The following SPMAP2 variants were observed in gnomAD, a reference collection of about 807,000 sequenced individuals.
SPMAP2 encodes Theg homolog.
chr19:363,229 G>A, the SPMAP2 span, among the ~76,000 whole-genome samples: 1 of 152,206 alleles, frequency 6.6e-6, no homozygotes, highest in African/African-American at 2.4e-5. Flanking sequence ...GCCTTGCTCT[G>A]TCGCCCAGGC....
the SPMAP2 span, chr19:372,725 A>G: frequency 6.2e-7 from 1 of 1,611,752 alleles, no homozygotes; most frequent in East Asian, 2.2e-5. Flanking sequence ...AAACGGAGTC[A>G]GTGAACCCCA....
At chr19:363,740 G>A in the SPMAP2 span, among the ~76,000 whole-genome samples, 1 of 151,180 alleles carries the variant, frequency 6.6e-6, no homozygotes, top group Non-Finnish European at 1.5e-5. Flanking sequence ...TCACCATGTT[G>A]GCCAGGCTGG....
chr19:367,979 A>G, the SPMAP2 span, among the ~76,000 whole-genome samples: 88,799 of 151,946 alleles, frequency 0.58, 26,405 homozygotes, highest in African/African-American at 0.63. Context: ...AGGGGACAGG[A>G]TATGAAAACG....
At chr19:373,587 G>T in the SPMAP2 span, 1 of 1,568,770 alleles carries the variant, frequency 6.4e-7, no homozygotes, top group Non-Finnish European at 8.7e-7. Flanking sequence ...GCCCTGCCCG[G>T]AAACAAGCCT....
At chr19:375,921 G>C in the SPMAP2 span, 9 of 1,486,182 alleles carry the variant, frequency 6.1e-6, no homozygotes, top group Non-Finnish European at 8.0e-6. Context: ...CCTGCCCGCA[G>C]CCTCAGAGCT....
the SPMAP2 span, among the ~76,000 whole-genome samples, chr19:372,456 ACTGGGAAGCAGCCTGCTGGGGATGTGGG>A: frequency 2.6e-5 from 4 of 152,256 alleles, no homozygotes; most frequent in African/African-American, 7.2e-5. Flanking sequence ...GGGGATGTGG[ACTGGGAAGCAGCCTGCTGGGGATGTGGG>A]CTGGGAAGCA....
the SPMAP2 span, among the ~76,000 whole-genome samples, chr19:362,710 G>A: frequency 6.8e-6 from 1 of 147,468 alleles, no homozygotes; most frequent in African/African-American, 2.5e-5. Flanking sequence ...AAGTTGCAGT[G>A]AGCGCAGATC....
the SPMAP2 span, chr19:374,620 C>T: frequency 1.5e-6 from 1 of 657,366 alleles, no homozygotes. Context: ...CCACTGCTCG[C>T]TGGATGGAAG....
chr19:375,247 T>G, the SPMAP2 span, among the ~76,000 whole-genome samples: 2 of 152,180 alleles, frequency 1.3e-5, no homozygotes, highest in Admixed American at 6.5e-5. Flanking sequence ...TTAAAACCTT[T>G]TAGCCACGTG....
chr19:372,419 C>T, the SPMAP2 span, among the ~76,000 whole-genome samples: 3 of 152,272 alleles, frequency 2.0e-5, no homozygotes, highest in Admixed American at 1.3e-4. Flanking sequence ...GCTGGCAATG[C>T]AGTTGCACGG....
the SPMAP2 span, among the ~76,000 whole-genome samples, chr19:366,312 C>T: frequency 1.2e-4 from 18 of 152,078 alleles, no homozygotes; most frequent in East Asian, 7.7e-4. Context: ...ACCAGTGTAT[C>T]GATGTTCATA....
chr19:368,752 T>C, the SPMAP2 span, among the ~76,000 whole-genome samples: 1 of 152,170 alleles, frequency 6.6e-6, no homozygotes, highest in African/African-American at 2.4e-5. This position sits in a 1 kb window ranked among gnomAD's most constrained non-coding sequence, Gnocchi z 4.1. Context: ...AAAGATATTG[T>C]GGTGTTTACA....
chr19:372,628 C>T, the SPMAP2 span: 1 of 1,613,912 alleles, frequency 6.2e-7, no homozygotes, highest in African/African-American at 1.3e-5. Flanking sequence ...CTCCTTCCCC[C>T]ACCTGTTGTT....
chr19:370,347 G>GTT, the SPMAP2 span, among the ~76,000 whole-genome samples: 233 of 146,748 alleles, frequency 1.6e-3, 1 homozygote, highest in East Asian at 4.0e-3. Context: ...TCACAGTTTT[G>GTT]TTTTTTTTTT....
At chr19:361,839 C>T in the SPMAP2 span, 5 of 85,726 alleles carry the variant, frequency 5.8e-5, no homozygotes, top group Admixed American at 2.5e-4. Context: ...TCAGCAGGAG[C>T]GTCGGCTGGT....
chr19:374,601 A>C, the SPMAP2 span: 1 of 762,234 alleles, frequency 1.3e-6, no homozygotes, highest in Non-Finnish European at 2.0e-6. Context: ...GCCTGGACCA[A>C]CCGCAGCTCC....
chr19:375,852 C>A, the SPMAP2 span: 1 of 1,601,110 alleles, frequency 6.2e-7, no homozygotes, highest in Non-Finnish European at 8.5e-7. Flanking sequence ...TGTGACCCGC[C>A]GGCTCTCGTA....
chr19:371,216 G>A, the SPMAP2 span: 2 of 1,460,106 alleles, frequency 1.4e-6, no homozygotes, highest in Non-Finnish European at 1.8e-6. Flanking sequence ...TCAGACATGG[G>A]CATGCTCCAG....
the SPMAP2 span, chr19:373,413 T>G: frequency 6.4e-7 from 1 of 1,568,172 alleles, no homozygotes; most frequent in Non-Finnish European, 8.8e-7. Flanking sequence ...GCGGGGCAGG[T>G]TCCCTGGAGG....
Sources: allele counts gnomAD v4.1 joint callset (sites outside exome capture counted in the v4.1 genomes callset), GRCh38; gene constraint gnomAD v4.1.1; non-coding constraint Gnocchi (gnomAD v3.1); transcripts MANE v1.5; gene names NCBI Gene and HGNC (gene_info 2026-07-23, HGNC 2026-07-21).